The following MAP7 variants were observed in gnomAD, a reference collection of about 807,000 sequenced individuals.
MAP7 encodes ensconsin.
MAP7 carries 52 observed loss-of-function variants against 94.8 expected under a neutral mutation model. That is an observed-to-expected ratio of 0.55 (90% CI 0.44 to 0.69). The LOEUF is 0.69. MAP7 is among the 30% of genes least tolerant of loss of function. MAP7 has a pLI of 0.00. For missense variants in MAP7, 940 were observed against 964.6 expected (o/e 0.97, Z 0.34); for synonymous variants, 350 against 357.0 (o/e 0.98, Z 0.22).
At chr6:136,469,527 G>T (rs1360134720) in intron 1 of MAP7, among the ~76,000 whole-genome samples, 1 of 152,022 alleles carries the variant, frequency 6.6e-6, no homozygotes, top group Non-Finnish European at 1.5e-5. Flanking sequence ...GACCACAGGG[G>T]CATGCCACCA....
chr6:136,345,676 G>A (rs1189557226), intron 17 of MAP7, 180 bp downstream of exon 17: 1 of 683,548 alleles, frequency 1.5e-6, no homozygotes, highest in African/African-American at 1.8e-5. Flanking sequence ...CTTAGAAGTT[G>A]TCCAATCCAA....
At chr6:136,358,348 C>T (rs1227328643) in intron 15 of MAP7, among the ~76,000 whole-genome samples, 1 of 152,184 alleles carries the variant, frequency 6.6e-6, no homozygotes, top group African/African-American at 2.4e-5. Context: ...TTAAATTGAT[C>T]ACTCTGACAA....
intron 1 of MAP7, among the ~76,000 whole-genome samples, chr6:136,461,716 G>C (rs1805273981): frequency 6.6e-6 from 1 of 152,140 alleles, no homozygotes; most frequent in East Asian, 1.9e-4. Flanking sequence ...TGCCTTTAAG[G>C]ACTGTTTGGG....
chr6:136,479,700 T>A lies in MAP7; in HGVS notation c.68-57901A>T, dbSNP rs139879663. Among the ~76,000 whole-genome samples, 977 of 152,250 alleles carry A rather than the reference T, an allele frequency of 6.4e-3. 25 individuals are homozygous for A. Among genetic ancestry groups the A allele is most frequent in the Admixed American group, 0.052 (797 of 15,286 alleles). On this transcript the variant is annotated intron_variant, in intron 1 of 17. Transcript: ENST00000354570. ...TCAAACATACAAAAATCAGTAGCAT[T>A]TCCATACACCAACAGCAAACAGTCA...
intron 8 of MAP7, among the ~76,000 whole-genome samples, chr6:136,369,516 T>C (rs919823050): frequency 1.8e-4 from 27 of 151,576 alleles, no homozygotes; most frequent in Admixed American, 1.4e-3. Context: ...GAGGTTGCAG[T>C]GAGCTGAGAT....
At chr6:136,431,528 A>ATTTATTT (rs56035944) in intron 1 of MAP7, among the ~76,000 whole-genome samples, 1 of 140,188 alleles carries the variant, frequency 7.1e-6, no homozygotes, top group Non-Finnish European at 1.5e-5. Context: ...TTATTTATTT[A>ATTTATTT]ATTTTTTGAG....
chr6:136,540,178 A>T (rs551891805), intron 1 of MAP7, among the ~76,000 whole-genome samples: 1 of 152,300 alleles, frequency 6.6e-6, no homozygotes, highest in Non-Finnish European at 1.5e-5. Context: ...AAGAAAGATT[A>T]GCCTGAAGGG....
At chr6:136,457,813 A>G (rs1803831164) in intron 1 of MAP7, among the ~76,000 whole-genome samples, 1 of 152,182 alleles carries the variant, frequency 6.6e-6, no homozygotes, top group Non-Finnish European at 1.5e-5. Context: ...TCAAGATAAT[A>G]AAGGCCATAT....
intron 1 of MAP7, among the ~76,000 whole-genome samples, chr6:136,528,430 A>G (rs1437930897): frequency 1.3e-5 from 2 of 152,246 alleles, no homozygotes; most frequent in African/African-American, 4.8e-5. Context: ...ATATACATCA[A>G]TATCATACTA....
At chr6:136,498,099 G>T (rs1422855416) in intron 1 of MAP7, among the ~76,000 whole-genome samples, 2 of 152,072 alleles carry the variant, frequency 1.3e-5, no homozygotes, top group Non-Finnish European at 2.9e-5. Flanking sequence ...CTTTTGAGAA[G>T]ATGATGAAAG....
intron 1 of MAP7, among the ~76,000 whole-genome samples, chr6:136,460,758 T>C (rs1804933885): frequency 6.6e-6 from 1 of 152,096 alleles, no homozygotes; most frequent in African/African-American, 2.4e-5. Context: ...GTTGCTGTCA[T>C]AATAAACACC....
chr6:136,491,959 G>A (rs1816743579), intron 1 of MAP7, among the ~76,000 whole-genome samples: 1 of 152,154 alleles, frequency 6.6e-6, no homozygotes, highest in Non-Finnish European at 1.5e-5. Flanking sequence ...AAGTTACTAG[G>A]GAAACTGGGG....
chr6:136,381,731 A>G (rs140820325), intron 6 of MAP7, among the ~76,000 whole-genome samples: 3 of 152,042 alleles, frequency 2.0e-5, no homozygotes, highest in African/African-American at 7.2e-5. Flanking sequence ...CTCTTGTCCT[A>G]TTATTTCTGC....
At chr6:136,505,104 CCAAA>C (rs1159901469) in intron 1 of MAP7, among the ~76,000 whole-genome samples, 1 of 151,412 alleles carries the variant, frequency 6.6e-6, no homozygotes, top group African/African-American at 2.4e-5. Context: ...TTTTTTAGGG[CCAAA>C]CAGACGATAA....
intron 3 of MAP7, among the ~76,000 whole-genome samples, chr6:136,400,812 G>A (rs1028111990): frequency 3.9e-5 from 6 of 152,154 alleles, no homozygotes; most frequent in African/African-American, 1.2e-4. Flanking sequence ...ATTCACTTCT[G>A]CATGCTTCTA....
intron 3 of MAP7, among the ~76,000 whole-genome samples, chr6:136,401,696 G>A (rs1425266961): frequency 1.3e-5 from 2 of 151,498 alleles, no homozygotes; most frequent in Non-Finnish European, 2.9e-5. Flanking sequence ...TGAGTTAATG[G>A]GTGCAGCACA....
At chr6:136,446,097 G>A (rs1799239187) in intron 1 of MAP7, among the ~76,000 whole-genome samples, 1 of 152,144 alleles carries the variant, frequency 6.6e-6, no homozygotes, top group African/African-American at 2.4e-5. Context: ...CAGAACTCAG[G>A]GAAATACATT....
chr6:136,425,261 C>G (rs1212570303), intron 1 of MAP7, among the ~76,000 whole-genome samples: 1 of 152,214 alleles, frequency 6.6e-6, no homozygotes, highest in African/African-American at 2.4e-5. Context: ...CTGACCGTAA[C>G]TGAAACCTCA....
intron 1 of MAP7, among the ~76,000 whole-genome samples, chr6:136,469,752 G>A (rs1329571821): frequency 6.6e-6 from 1 of 152,152 alleles, no homozygotes; most frequent in Non-Finnish European, 1.5e-5. Context: ...GATGGATAAA[G>A]CCCAAACTGA....
Sources: gnomAD v4.1 joint callset for allele counts (sites outside exome capture counted in the v4.1 genomes callset) on GRCh38, gnomAD v4.1.1 for gene constraint, MANE v1.5 for transcripts, NCBI Gene and HGNC (gene_info 2026-07-23, HGNC 2026-07-21) for gene names.